Variants in EEFSEC observed in about 807,000 individuals in gnomAD.
The protein encoded by EEFSEC is eukaryotic elongation factor, selenocysteine-tRNA specific.
A neutral mutation model predicts 42.1 loss-of-function variants in EEFSEC; 43 were observed. The observed-to-expected ratio is 1.02, with a 90% CI of 0.80 to 1.32. The LOEUF (loss-of-function observed/expected upper bound fraction) is 1.32, where lower values mean the gene tolerates loss of function less well. Ranked by LOEUF, EEFSEC falls within the 40% of genes most tolerant of loss-of-function variation. The pLI is 0.00. For missense variants in EEFSEC, 745 were observed against 803.6 expected, an observed-to-expected ratio of 0.93 and a Z score of 0.88; for synonymous variants, 354 against 339.1, an observed-to-expected ratio of 1.04 and a Z score of -0.48.
intron 4 of EEFSEC, among the ~76,000 whole-genome samples, chr3:128,321,744 C>T (rs534863415): frequency 1.3e-5 from 2 of 152,334 alleles, no homozygotes; most frequent in East Asian, 3.9e-4. Flanking sequence ...GGGCTGCCTG[C>T]TGGGTCTGCA....
the EEFSEC span, among the ~76,000 whole-genome samples, chr3:128,419,898 C>G: frequency 2.0e-5 from 3 of 152,298 alleles, no homozygotes; most frequent in Non-Finnish European, 4.4e-5. Context: ...TCAGACACCC[C>G]CATGGGGTTT....
chr3:128,190,373 A>G (rs952587915), intron 1 of EEFSEC, among the ~76,000 whole-genome samples: 3 of 152,188 alleles, frequency 2.0e-5, no homozygotes, highest in African/African-American at 7.2e-5. Context: ...GCTAATGTGC[A>G]TGTTTGTGTT....
chr3:128,419,854 G>T, the EEFSEC span, among the ~76,000 whole-genome samples: 1 of 152,162 alleles, frequency 6.6e-6, no homozygotes, highest in East Asian at 1.9e-4. Flanking sequence ...GTAGCTCTGG[G>T]GCCAGAGACA....
intron 1 of EEFSEC, among the ~76,000 whole-genome samples, chr3:128,237,627 T>G (rs2066026457): frequency 6.6e-6 from 1 of 152,228 alleles, no homozygotes. Context: ...TCTGCGGGTG[T>G]TTTGCCATGA....
At chr3:128,228,463 T>C (rs980090641) in intron 1 of EEFSEC, among the ~76,000 whole-genome samples, 1 of 152,056 alleles carries the variant, frequency 6.6e-6, no homozygotes, top group Non-Finnish European at 1.5e-5. Context: ...AGTGAGGAGC[T>C]GAAGCATGGA....
intron 1 of EEFSEC, among the ~76,000 whole-genome samples, chr3:128,174,005 G>A (rs1003391842): frequency 2.6e-5 from 4 of 152,188 alleles, no homozygotes; most frequent in Non-Finnish European, 4.4e-5. Context: ...GAGGAATGGT[G>A]GGGACCCAAC....
intron 4 of EEFSEC, among the ~76,000 whole-genome samples, chr3:128,329,186 C>T (rs919097027): frequency 1.3e-5 from 2 of 152,216 alleles, no homozygotes; most frequent in African/African-American, 4.8e-5. Context: ...GGCAGCTTCC[C>T]TGGGGCCCCT....
chr3:128,411,376 C>T (rs921361358), downstream of EEFSEC, among the ~76,000 whole-genome samples: 1 of 152,196 alleles, frequency 6.6e-6, no homozygotes, highest in African/African-American at 2.4e-5. Flanking sequence ...AGCAGCATGC[C>T]GGTTTCCCAG....
At chr3:128,161,975 A>G (rs1305422699) in intron 1 of EEFSEC, among the ~76,000 whole-genome samples, 1 of 152,234 alleles carries the variant, frequency 6.6e-6, no homozygotes, top group African/African-American at 2.4e-5. Flanking sequence ...ACTCTAATGC[A>G]AAAGCAAACA....
At chr3:128,303,777 A>G (rs2066795901) in intron 4 of EEFSEC, among the ~76,000 whole-genome samples, 1 of 152,206 alleles carries the variant, frequency 6.6e-6, no homozygotes, top group South Asian at 2.1e-4. Flanking sequence ...CTCCAAGATT[A>G]TAAATTCACC....
At chr3:128,424,731 G>A in the EEFSEC span, among the ~76,000 whole-genome samples, 1 of 152,008 alleles carries the variant, frequency 6.6e-6, no homozygotes, top group African/African-American at 2.4e-5. Flanking sequence ...CGAAAAGTGC[G>A]CGGAGTATAA....
chr3:128,182,930 A>G (rs995449174), intron 1 of EEFSEC, among the ~76,000 whole-genome samples: 1 of 151,686 alleles, frequency 6.6e-6, no homozygotes, highest in African/African-American at 2.4e-5. Context: ...GCGGGTTGCC[A>G]GAGAGAAGGA....
chr3:128,340,910 G>A (rs1345211280), intron 4 of EEFSEC, among the ~76,000 whole-genome samples: 1 of 152,216 alleles, frequency 6.6e-6, no homozygotes, highest in Non-Finnish European at 1.5e-5. Flanking sequence ...AGGGACTGGA[G>A]CCTGGATTGG....
intron 6 of EEFSEC, among the ~76,000 whole-genome samples, chr3:128,374,062 C>G (rs1309553321): frequency 2.0e-5 from 3 of 152,212 alleles, no homozygotes; most frequent in Non-Finnish European, 4.4e-5. Flanking sequence ...GCTGCACTCC[C>G]CTCTGCAGCA....
intron 1 of EEFSEC, among the ~76,000 whole-genome samples, chr3:128,245,037 G>C (rs548192816): frequency 6.6e-6 from 1 of 152,328 alleles, no homozygotes; most frequent in Admixed American, 6.5e-5. Flanking sequence ...GCTTGGCTGG[G>C]TCAAAGATTA....
At chr3:128,385,933 C>T (rs1163516632) in intron 6 of EEFSEC, among the ~76,000 whole-genome samples, 1 of 152,250 alleles carries the variant, frequency 6.6e-6, no homozygotes, top group Non-Finnish European at 1.5e-5. Context: ...GGGCTGCTCA[C>T]ATCCACCCTG....
intron 1 of EEFSEC, among the ~76,000 whole-genome samples, chr3:128,197,139 G>A (rs527868233): frequency 1.3e-5 from 2 of 152,280 alleles, no homozygotes; most frequent in Non-Finnish European, 2.9e-5. Context: ...ATTCCCTCTA[G>A]TGTTGGTTGT....
At chr3:128,171,394 A>G (rs1307583822) in intron 1 of EEFSEC, among the ~76,000 whole-genome samples, 5 of 152,228 alleles carry the variant, frequency 3.3e-5, no homozygotes, top group Non-Finnish European at 1.5e-5. Flanking sequence ...GCTTGTACCT[A>G]CAATGGCAGA....
intron 1 of EEFSEC, among the ~76,000 whole-genome samples, chr3:128,199,201 T>C (rs186896575): frequency 6.6e-6 from 1 of 152,336 alleles, no homozygotes; most frequent in Non-Finnish European, 1.5e-5. Flanking sequence ...CTGTTTGTTT[T>C]TAAACCTTTT....
Sources: gnomAD v4.1 joint callset for allele counts (sites outside exome capture counted in the v4.1 genomes callset) on GRCh38, gnomAD v4.1.1 for gene constraint, MANE v1.5 for transcripts, NCBI Gene and HGNC (gene_info 2026-07-23, HGNC 2026-07-21) for gene names.